ATXN10: variants seen among roughly 807,000 people sequenced by gnomAD.
ATXN10 encodes the protein ataxin-10.
A neutral mutation model predicts 52.9 loss-of-function variants in ATXN10; 28 were observed. That is an observed-to-expected ratio of 0.53 (90% CI 0.39 to 0.73). ATXN10 has a LOEUF of 0.73. Ranked by LOEUF, ATXN10 falls within the 30% of genes least tolerant of loss-of-function variation. The pLI is 0.00. For synonymous variants in ATXN10, 226 were observed against 221.5 expected, an observed-to-expected ratio of 1.02 and a Z score of -0.18; for missense variants, 565 against 577.0, an observed-to-expected ratio of 0.98 and a Z score of 0.21.
At chr22:45,743,714 G>T in intron 9 of ATXN10, among the ~76,000 whole-genome samples, 1 of 152,162 alleles carries the variant, frequency 6.6e-6, no homozygotes, top group East Asian at 1.9e-4. Flanking sequence ...ATGATTTATT[G>T]TTTAGTGTTT....
intron 3 of ATXN10, among the ~76,000 whole-genome samples, chr22:45,699,492 T>A (rs1484471415): frequency 2.8e-5 from 4 of 141,476 alleles, no homozygotes; most frequent in Non-Finnish European, 6.2e-5. Context: ...TTTCTTTCCT[T>A]TTTTTTTTTT....
rs1319110484 is a variant in ATXN10 at position 45,696,074 on chromosome 22, A to G, written c.391+2996A>G. Among the ~76,000 whole-genome samples, 2 of 152,216 alleles carry G rather than the reference A, an allele frequency of 1.3e-5. No homozygotes were observed. The highest frequency in any genetic ancestry group is 3.8e-4 in the East Asian group (2 of 5,202). On this transcript the variant is annotated intron_variant, in intron 3 of 11. Coordinates refer to ENST00000252934, the MANE Select transcript of ATXN10 (RefSeq NM_013236.4). The surrounding 1 kb of genome is among the most constrained non-coding windows in gnomAD (Gnocchi z 4.7). ...GAATTTACAGACAAAGTGCATCACCATGTTTTTTTGAGCATCAGTTTTTAA... is the reference window on the plus strand; with the variant it reads ...GAATTTACAGACAAAGTGCATCACCGTGTTTTTTTGAGCATCAGTTTTTAA...
Position 45,677,316 on chromosome 22 carries a change from T to G in ATXN10, c.116+5137T>G, listed in dbSNP as rs1044902801. ...TGATAGTGGCAGATGCTTATCAGTT[T>G]CTTGTGGAGTTGCTGCTATTTCTAT... On this transcript the variant is annotated intron_variant, in intron 1 of 11. Coordinates refer to ENST00000252934, the MANE Select transcript of ATXN10 (RefSeq NM_013236.4). The surrounding 1 kb of genome is among the most constrained non-coding windows in gnomAD (Gnocchi z 4.1). 1 of 152,216 alleles carries G rather than the reference T, an allele frequency of 6.6e-6. No individual in the cohort carries two copies. The highest frequency in any genetic ancestry group is 2.4e-5 in the African/African-American group (1 of 41,466). The allele number at this position is 152,216 out of a possible 1,614,324, so 9.4% of individuals were successfully genotyped here. A position where few individuals can be genotyped will look rare whatever the true frequency, so the allele number is the denominator to read the frequency against.
At chr22:45,700,504 C>G in intron 4 of ATXN10, 126 bp downstream of exon 4, 1 of 768,504 alleles carries the variant, frequency 1.3e-6, no homozygotes, top group Non-Finnish European at 2.2e-6. Context: ...AGTAGTTGTT[C>G]TTGGTGGGTG....
chr22:45,827,982 C>G (rs528029204), intron 10 of ATXN10, among the ~76,000 whole-genome samples: 5 of 152,074 alleles, frequency 3.3e-5, no homozygotes, highest in African/African-American at 4.8e-5. Flanking sequence ...CTGGACTATT[C>G]ACAAATTTAT....
In ATXN10 at chr22:45,705,441, T is replaced by G. The variant is rs1463749103; in HGVS notation, c.647+2594T>G. ...ACCTGTTACTTGTTACAGGTCTTGG[T>G]TTTTTTTTTTGAGACGGAGTCTCAC... On this transcript the variant is annotated intron_variant, in intron 5 of 11. Coordinates refer to ENST00000252934, the MANE Select transcript of ATXN10 (RefSeq NM_013236.4). This position sits in a 1 kb window ranked among gnomAD's most constrained non-coding sequence, Gnocchi z 5.2. Among the ~76,000 whole-genome samples, 2 of 130,910 alleles carry G rather than the reference T, an allele frequency of 1.5e-5. No individual in the cohort carries two copies. The highest frequency in any genetic ancestry group is 3.3e-5 in the Non-Finnish European group (2 of 59,958). The allele number at this position is 130,910 out of a possible 152,430, so 85.9% of individuals were successfully genotyped here.
intron 6 of ATXN10, among the ~76,000 whole-genome samples, chr22:45,719,991 G>GA (rs201383734): frequency 1.4e-4 from 21 of 149,790 alleles, no homozygotes; most frequent in Non-Finnish European, 2.2e-4. Context: ...TGCTCAAAAA[G>GA]AAAAAAAAAT....
At chr22:45,747,269 G>C (rs1348836878) in intron 9 of ATXN10, among the ~76,000 whole-genome samples, 1 of 152,186 alleles carries the variant, frequency 6.6e-6, no homozygotes, top group African/African-American at 2.4e-5. Flanking sequence ...ACATTGGAAG[G>C]CTGAGGCGGG....
chr22:45,751,763 AAATAAT>A (rs1165303275), intron 9 of ATXN10, among the ~76,000 whole-genome samples: 26 of 66,598 alleles, frequency 3.9e-4, no homozygotes, highest in African/African-American at 1.7e-3. Context: ...AATAAAAAAA[AAATAAT>A]AATAATAATA....
Position 45,738,757 on chromosome 22 carries a change from C to A in ATXN10, c.921C>A (p.Leu307=), listed in dbSNP as rs764404896. Residue 307 remains leucine (L), a synonymous_variant, in exon 8 of 12, where the codon CTC becomes CTA. Coordinates refer to ENST00000252934, the MANE Select transcript of ATXN10 (RefSeq NM_013236.4). ...DEEALATIRL[L]DVLCEMTVNT... The stretch of plus-strand genomic sequence containing the variant: ...AGGCACTGGCTACAATTAGGCTTCT[C>A]GACGTCCTGTGCGAAATGACTGTGA... 5.0e-6 allele frequency: 8 copies of A among 1,613,946 alleles called. No homozygotes were observed. The Middle Eastern group carries it at 4.9e-4, about 99-fold the overall frequency.
Position 45,826,244 on chromosome 22 carries a change from A to AT in ATXN10, c.1238-16745dup, listed in dbSNP as rs1928811405. ...GAAGGAAGCTAGGACAATGGAAAAT[A>AT]TTAAGTCCAACAAGCAGAAAGAAAA... On this transcript the variant is annotated intron_variant, in intron 10 of 11. Transcript: ENST00000252934. This position sits in a 1 kb window ranked among gnomAD's most constrained non-coding sequence, Gnocchi z 5.0. Among the ~76,000 whole-genome samples, 1 of 152,198 alleles carries AT rather than the reference A, an allele frequency of 6.6e-6. No individual in the cohort carries two copies. The highest frequency in any genetic ancestry group is 1.5e-5 in the Non-Finnish European group (1 of 68,030).
chr22:45,687,431 A>G (rs545210614), intron 1 of ATXN10, among the ~76,000 whole-genome samples: 1 of 152,332 alleles, frequency 6.6e-6, no homozygotes, highest in East Asian at 1.9e-4. Context: ...GTTCCCATAT[A>G]AGAGGCAGAC....
chr22:45,720,334 A>G (rs1433388332), intron 6 of ATXN10, among the ~76,000 whole-genome samples: 29 of 151,392 alleles, frequency 1.9e-4, no homozygotes, highest in Non-Finnish European at 2.9e-5. Context: ...TTTTTTTGGA[A>G]AAGGTATAAG....
chr22:45,816,898 G>A lies in ATXN10; in HGVS notation c.1237+9876G>A, dbSNP rs960150415. ...TGTTCTGTTCTGTACTCTTCTTGGT[G>A]GAGAATCTAGCGTGGTATCAGGCCT... On this transcript the variant is annotated intron_variant, in intron 10 of 11. Coordinates refer to ENST00000252934, the MANE Select transcript of ATXN10 (RefSeq NM_013236.4). The surrounding 1 kb of genome is among the most constrained non-coding windows in gnomAD (Gnocchi z 5.8). Among the ~76,000 whole-genome samples, 2 of 152,174 alleles carry A rather than the reference G, an allele frequency of 1.3e-5. No individual in the cohort carries two copies. Among genetic ancestry groups the A allele is most frequent in the Non-Finnish European group, 2.9e-5 (2 of 68,038 alleles).
intron 2 of ATXN10, among the ~76,000 whole-genome samples, chr22:45,691,132 A>G (rs1265472447): frequency 6.6e-6 from 1 of 152,242 alleles, no homozygotes; most frequent in Non-Finnish European, 1.5e-5. Context: ...AGAAACAACA[A>G]TAATCTTGAT....
chr22:45,684,245 G>A lies in ATXN10; in HGVS notation c.117-5467G>A, dbSNP rs1337738747. Reference sequence around the variant, plus strand: ...GAATTATAGGCATATGAACCACTGCGCCTGGCCGCCTTAGTTCCTTTCATT... The same window carrying A: ...GAATTATAGGCATATGAACCACTGCACCTGGCCGCCTTAGTTCCTTTCATT... On this transcript the variant is annotated intron_variant, in intron 1 of 11. Transcript: ENST00000252934. The surrounding 1 kb of genome is among the most constrained non-coding windows in gnomAD (Gnocchi z 4.1). Among the ~76,000 whole-genome samples the A allele has an allele frequency of 6.6e-6, 1 of 151,632 alleles. No homozygotes were observed. Among genetic ancestry groups the A allele is most frequent in the South Asian group, 2.1e-4 (1 of 4,804 alleles).
intron 1 of ATXN10, among the ~76,000 whole-genome samples, chr22:45,680,635 T>C (rs1922883520): frequency 3.9e-5 from 6 of 152,060 alleles, no homozygotes; most frequent in Admixed American, 3.9e-4. Context: ...AAAAATTTTT[T>C]TTTTTTTTGG....
At chr22:45,838,761 TC>T (rs1295179951) in intron 10 of ATXN10, among the ~76,000 whole-genome samples, 1 of 152,204 alleles carries the variant, frequency 6.6e-6, no homozygotes, top group Non-Finnish European at 1.5e-5. Context: ...CAGACACGCT[TC>T]CTAGGGCTAT....
rs1928596841 is a variant in ATXN10, at chr22:45,820,026, A to G, written c.1237+13004A>G. Among the ~76,000 whole-genome samples the G allele has an allele frequency of 6.6e-6, 1 of 152,198 alleles. No homozygotes were observed. The stretch of plus-strand genomic sequence containing the variant: ...GTCAAAACGTGAGTGTGTCACAGCC[A>G]TTCAGCACTGTTGGACTGTAACTCC... On this transcript the variant is annotated intron_variant, in intron 10 of 11. Coordinates refer to ENST00000252934, the MANE Select transcript of ATXN10 (RefSeq NM_013236.4). This position sits in a 1 kb window ranked among gnomAD's most constrained non-coding sequence, Gnocchi z 4.9.
Sources: allele counts gnomAD v4.1 joint callset (sites outside exome capture counted in the v4.1 genomes callset), GRCh38; gene constraint gnomAD v4.1.1; non-coding constraint Gnocchi (gnomAD v3.1); transcripts MANE v1.5; gene names NCBI Gene and HGNC (gene_info 2026-07-23, HGNC 2026-07-21).